Variants in NPEPPS observed in about 807,000 individuals in gnomAD.
NPEPPS encodes puromycin-sensitive aminopeptidase.
A neutral mutation model predicts 115.5 loss-of-function variants in NPEPPS; 14 were observed. That is an observed-to-expected ratio of 0.12 (90% CI 0.08 to 0.19). The LOEUF (loss-of-function observed/expected upper bound fraction) is 0.19, where lower values mean the gene tolerates loss of function less well. NPEPPS is among the 10% of genes least tolerant of loss of function. The pLI is 1.00. For synonymous variants in NPEPPS, 285 were observed against 390.6 expected (o/e 0.73, Z 3.19); for missense variants, 523 against 1,110.8 (o/e 0.47, Z 7.52).
intron 2 of NPEPPS, among the ~76,000 whole-genome samples, chr17:47,553,259 G>A (rs1432608597): frequency 6.6e-6 from 1 of 151,516 alleles, no homozygotes; most frequent in East Asian, 1.9e-4. Context: ...TGTAATCCTA[G>A]CTACTCGGGA....
chr17:47,575,862 C>T (rs1489087950), intron 3 of NPEPPS, among the ~76,000 whole-genome samples: 1 of 152,030 alleles, frequency 6.6e-6, no homozygotes, highest in Non-Finnish European at 1.5e-5. Flanking sequence ...CCCACCTCGG[C>T]CTCCCAAAGT....
At chr17:47,599,825 TC>T (rs1913082745) in intron 14 of NPEPPS, 86 bp downstream of exon 14, 2 of 1,187,780 alleles carry the variant, frequency 1.7e-6, no homozygotes, top group Non-Finnish European at 2.4e-6. Context: ...AGGAAATTTT[TC>T]TTTTTTTTTT....
intron 22 of NPEPPS, 128 bp downstream of exon 22, chr17:47,619,912 G>A: frequency 1.3e-6 from 1 of 796,286 alleles, no homozygotes; most frequent in East Asian, 2.5e-5. Flanking sequence ...AAGACATCAT[G>A]CAGGGCTGTA....
chr17:47,594,790 G>A (rs964455631), intron 12 of NPEPPS, among the ~76,000 whole-genome samples: 3 of 151,664 alleles, frequency 2.0e-5, no homozygotes, highest in Non-Finnish European at 2.9e-5. Flanking sequence ...CCGCCACCAC[G>A]CCCGGCTAAT....
At position 47,531,146 on chromosome 17, in the gene NPEPPS, C is replaced by T. The variant is rs1907714786; in HGVS notation, c.-155C>T. 2 of 662,916 alleles carry T rather than the reference C, an allele frequency of 3.0e-6. No homozygotes were observed. The highest frequency in any genetic ancestry group is 3.3e-5 in the South Asian group (1 of 30,514). The allele number at this position is 662,916 out of a possible 1,614,324, so 41.1% of individuals were successfully genotyped here. A position where few individuals can be genotyped will look rare whatever the true frequency, so the allele number is the denominator to read the frequency against. On this transcript the variant is annotated 5_prime_UTR_variant, in exon 1 of 23. Transcript: ENST00000322157. ...CCTCCCTCCTTGCGGGCCCTCCTCC[C>T]CTTCCCTCCCCTCCGCCCCCTTCCC...
Position 47,621,678 on chromosome 17 carries a change from C to T in NPEPPS, c.2608-90C>T, listed in dbSNP as rs766512515. 7.8e-5 allele frequency: 98 copies of T among 1,260,382 alleles called. 1 individual carries two copies. Among genetic ancestry groups the T allele is most frequent in the Non-Finnish European group, 1.1e-4 (97 of 910,976 alleles). 78.1% of individuals were successfully genotyped at this position (1,260,382 alleles called of 1,614,324 possible). ...TCATGCCTGAAGATTATGCATCCTT[C>T]ATATAGACCAGTGGGTATTTTTTCA... On this transcript the variant is annotated intron_variant, in intron 22 of 22. Coordinates refer to ENST00000322157, the MANE Select transcript of NPEPPS (RefSeq NM_006310.4).
intron 21 of NPEPPS, chr17:47,619,493 G>GT (rs1372595422): frequency 1.9e-6 from 1 of 529,340 alleles, no homozygotes; most frequent in Non-Finnish European, 3.4e-6. Context: ...GGCAGAGGTT[G>GT]TGGTGAGCCG....
intron 17 of NPEPPS, among the ~76,000 whole-genome samples, chr17:47,611,168 G>A (rs976301617): frequency 1.3e-5 from 2 of 151,652 alleles, no homozygotes; most frequent in Non-Finnish European, 2.9e-5. Flanking sequence ...TTTTTTAAGA[G>A]ACAGGGTCGG....
At chr17:47,594,115 A>G in intron 12 of NPEPPS, among the ~76,000 whole-genome samples, 1 of 152,282 alleles carries the variant, frequency 6.6e-6, no homozygotes, top group East Asian at 1.9e-4. Context: ...TGATTGGGCC[A>G]CTGCACTCCA....
intron 5 of NPEPPS, among the ~76,000 whole-genome samples, chr17:47,584,819 A>G (rs1302717237): frequency 6.6e-6 from 1 of 152,074 alleles, no homozygotes; most frequent in Non-Finnish European, 1.5e-5. Flanking sequence ...GGGAGATTCT[A>G]CAATTATATT....
intron 2 of NPEPPS, among the ~76,000 whole-genome samples, chr17:47,563,514 A>G (rs1226992601): frequency 6.6e-6 from 1 of 152,238 alleles, no homozygotes; most frequent in African/African-American, 2.4e-5. Flanking sequence ...TATGTATATA[A>G]TGGACCAATT....
Position 47,583,322 on chromosome 17 carries a change from C to A in NPEPPS, c.648+473C>A, listed in dbSNP as rs555204849. ...GTCTTGGGCTGGATATGGTGGCTTA[C>A]ACCTGTCATCCCAGCACTTTGGGAA... On this transcript the variant is annotated intron_variant, in intron 5 of 22. Transcript: ENST00000322157. Among the ~76,000 whole-genome samples, 834 of 152,230 alleles carry A rather than the reference C, an allele frequency of 5.5e-3. 7 individuals carry two copies. Among genetic ancestry groups the A allele is most frequent in the African/African-American group, 0.02 (812 of 41,560 alleles).
chr17:47,610,719 T>C (rs1844377916), intron 17 of NPEPPS, among the ~76,000 whole-genome samples: 1 of 151,956 alleles, frequency 6.6e-6, no homozygotes, highest in Non-Finnish European at 1.5e-5. Context: ...TTCCCATTCA[T>C]GAGGGCTCCA....
chr17:47,600,693 C>G (rs777159709), intron 14 of NPEPPS, among the ~76,000 whole-genome samples: 38 of 152,256 alleles, frequency 2.5e-4, no homozygotes, highest in Middle Eastern at 3.4e-3. Context: ...CATGAATGTA[C>G]TGGGCAAGGA....
chr17:47,605,376 T>C lies in NPEPPS; in HGVS notation c.1919T>C (p.Met640Thr), dbSNP rs754757916. The change falls in exon 17 of 23, where the codon ATG (methionine) becomes ACG (threonine). Residue 640 changes from methionine to threonine, a missense_variant. Met to Thr is a moderately conservative substitution (Grantham distance 81). This residue lies in a region of NPEPPS where 372 missense variants were observed against 542.6 expected (regional missense o/e 0.69). Coordinates refer to ENST00000322157, the MANE Select transcript of NPEPPS (RefSeq NM_006310.4). Reference sequence around the variant, plus strand: ...AGCACTGTAGAGGTTCTAAAAGTCATGGAGGCTTTTGTGAATGAGCCCAAT... The same window carrying C: ...AGCACTGTAGAGGTTCTAAAAGTCACGGAGGCTTTTGTGAATGAGCCCAAT... ...IISTVEVLKV[M>T]EAFVNEPNYT... 5 of 1,611,604 alleles carry C rather than the reference T, an allele frequency of 3.1e-6. No homozygotes were observed. In the South Asian group the frequency reaches 3.3e-5, roughly 11 times the overall value.
intron 2 of NPEPPS, among the ~76,000 whole-genome samples, chr17:47,567,124 T>A (rs969252546): frequency 1.3e-5 from 2 of 152,146 alleles, no homozygotes; most frequent in Non-Finnish European, 2.9e-5. Context: ...TAGCTTATGA[T>A]TGTAGAAATA....
At chr17:47,524,807 T>A (rs1462232791) in intron 1 of NPEPPS, among the ~76,000 whole-genome samples, 3 of 145,180 alleles carry the variant, frequency 2.1e-5, no homozygotes, top group Non-Finnish European at 3.0e-5. Context: ...CCCGGCCAAT[T>A]TTTTTTTTTT....
At chr17:47,601,851 T>A in intron 15 of NPEPPS, 104 bp downstream of exon 15, 1 of 1,162,506 alleles carries the variant, frequency 8.6e-7, no homozygotes, top group African/African-American at 1.6e-5. Context: ...AAAAAAAACC[T>A]AAACTTTTCT....
chr17:47,533,507 T>TA lies in NPEPPS; in HGVS notation c.255+1960dup, dbSNP rs1316023113. ...TCGCATTATGTGAAAAGACTAACAT[T>TA]AAAAAAAACATTTGTTTCTTTACCC... On this transcript the variant is annotated intron_variant, in intron 1 of 22. Coordinates refer to ENST00000322157, the MANE Select transcript of NPEPPS (RefSeq NM_006310.4). Among the ~76,000 whole-genome samples the TA allele has an allele frequency of 2.6e-5, 4 of 151,712 alleles. 1 individual carries two copies. Among genetic ancestry groups the TA allele is most frequent in the Admixed American group, 1.3e-4 (2 of 15,156 alleles).
Sources: gnomAD v4.1 joint callset for allele counts (sites outside exome capture counted in the v4.1 genomes callset) on GRCh38, gnomAD v4.1.1 for gene constraint, gnomAD v4.1.1 regional missense constraint, MANE v1.5 for transcripts, NCBI Gene and HGNC (gene_info 2026-07-23, HGNC 2026-07-21) for gene names.